Variants in GTPBP10 observed in about 807,000 individuals in gnomAD.
GTPBP10 encodes GTP-binding protein 10.
A neutral mutation model predicts 44.8 loss-of-function variants in GTPBP10; 38 were observed. The observed-to-expected ratio is 0.85, with a 90% CI of 0.65 to 1.11. GTPBP10 has a LOEUF of 1.11. GTPBP10 is among the 50% of genes most tolerant of loss of function. The probability of loss-of-function intolerance (pLI) is 0.00; values close to 1 mark genes in which losing one functional copy is unlikely to be tolerated. For synonymous variants in GTPBP10, 152 were observed against 150.6 expected, an observed-to-expected ratio of 1.01 and a Z score of -0.07; for missense variants, 462 against 453.7, an observed-to-expected ratio of 1.02 and a Z score of -0.17.
At chr7:90,353,758 C>T (rs1470994427) in intron 2 of GTPBP10, among the ~76,000 whole-genome samples, 1 of 151,582 alleles carries the variant, frequency 6.6e-6, no homozygotes, top group East Asian at 1.9e-4. Flanking sequence ...AATGTAAGTA[C>T]TCTCATTTGA....
At chr7:90,367,687 A>G (rs1796162535) in intron 4 of GTPBP10, among the ~76,000 whole-genome samples, 1 of 152,072 alleles carries the variant, frequency 6.6e-6, no homozygotes, top group Non-Finnish European at 1.5e-5. Flanking sequence ...TGCACATGAG[A>G]TGGGTCTCCT....
At chr7:90,359,241 A>G (rs1795966067) in intron 4 of GTPBP10, among the ~76,000 whole-genome samples, 1 of 151,980 alleles carries the variant, frequency 6.6e-6, no homozygotes, top group Non-Finnish European at 1.5e-5. Context: ...GGTTTGCTGC[A>G]CCCATCAACT....
At chr7:90,377,321 TAAC>T (rs1304799104) in intron 6 of GTPBP10, among the ~76,000 whole-genome samples, 183 bp from the exon 7 acceptor site, 5 of 152,254 alleles carry the variant, frequency 3.3e-5, no homozygotes, top group Admixed American at 6.5e-5. Context: ...TAATATCTGA[TAAC>T]AAAATTTTAA....
chr7:90,369,055 G>A (rs77130795), intron 4 of GTPBP10, among the ~76,000 whole-genome samples: 1,949 of 152,276 alleles, frequency 0.013, 50 homozygotes, highest in African/African-American at 0.043. Flanking sequence ...GGGCTTCTTC[G>A]CTGCAGGTCT....
intron 2 of GTPBP10, chr7:90,353,382 A>G (rs774920144): frequency 8.0e-5 from 13 of 163,160 alleles, no homozygotes; most frequent in Non-Finnish European, 1.6e-4. Flanking sequence ...GATAACCACT[A>G]TTAACCTTTT....
chr7:90,390,867 CATGATT>C lies in GTPBP10; in HGVS notation c.*5716_*5721del, dbSNP rs1184459862. On this transcript the variant is annotated 3_prime_UTR_variant, in exon 10 of 10. Transcript: ENST00000222511. ...AGTATAATTTTCTTAAGAAAAAAGA[CATGATT>C]ATAAGCTAAAATATGCCTTCGGTTT... The C allele has an allele frequency of 6.6e-6, 1 of 152,092 alleles. No individual in the cohort carries two copies. The highest frequency in any genetic ancestry group is 2.4e-5 in the African/African-American group (1 of 41,412). 9.4% of individuals were successfully genotyped at this position (152,092 alleles called of 1,614,324 possible). A position where few individuals can be genotyped will look rare whatever the true frequency, so the allele number is the denominator to read the frequency against.
chr7:90,370,608 G>A (rs950844607), intron 4 of GTPBP10, among the ~76,000 whole-genome samples: 1 of 152,144 alleles, frequency 6.6e-6, no homozygotes. Context: ...CTACTTGGGT[G>A]ATGGGTACAC....
At chr7:90,369,474 CTT>C (rs945603549) in intron 4 of GTPBP10, among the ~76,000 whole-genome samples, 1 of 152,210 alleles carries the variant, frequency 6.6e-6, no homozygotes, top group African/African-American at 2.4e-5. Context: ...TTCCAGGCCT[CTT>C]TGTTTACACT....
chr7:90,384,729 C>A (rs951677286), intron 9 of GTPBP10, among the ~76,000 whole-genome samples, 163 bp from the exon 10 acceptor site: 3 of 151,902 alleles, frequency 2.0e-5, no homozygotes, highest in African/African-American at 7.3e-5. Context: ...TTACCATAAT[C>A]AATGGTAAAA....
At chr7:90,370,335 AGTGT>A (rs33997739) in intron 4 of GTPBP10, among the ~76,000 whole-genome samples, 47 of 149,324 alleles carry the variant, frequency 3.1e-4, no homozygotes, top group South Asian at 6.4e-4. Context: ...AAGAAAATTG[AGTGT>A]GTGTGTGTGT....
At chr7:90,380,882 G>A (rs1430448235) in intron 8 of GTPBP10, among the ~76,000 whole-genome samples, 1 of 152,076 alleles carries the variant, frequency 6.6e-6, no homozygotes, top group Non-Finnish European at 1.5e-5. Flanking sequence ...GTGGGATTAT[G>A]CAGTATTTTT....
Position 90,353,055 on chromosome 7 carries a change from C to G in GTPBP10, c.227+46C>G, listed in dbSNP as rs139947039. ...TTAAATTTTAGAAAATCAAACCCTTCTGGAAATTTTTTTTTTAGTTACAAA... is the reference window on the plus strand; with the variant it reads ...TTAAATTTTAGAAAATCAAACCCTTGTGGAAATTTTTTTTTTAGTTACAAA... On this transcript the variant is annotated intron_variant, in intron 2 of 9. Transcript: ENST00000222511. 5.3e-6 allele frequency: 7 copies of G among 1,317,806 alleles called. No homozygotes were observed. The African/African-American group carries it at 9.0e-5, about 17-fold the overall frequency. 81.6% of individuals were successfully genotyped at this position (1,317,806 alleles called of 1,614,324 possible).
intron 1 of GTPBP10, 129 bp from the exon 2 acceptor site, chr7:90,352,687 A>G (rs953122145): frequency 1.7e-6 from 1 of 593,704 alleles, no homozygotes; most frequent in Non-Finnish European, 2.9e-6. Context: ...AGAAAATGTT[A>G]TAGAATTGGC....
chr7:90,360,272 C>T (rs184982089), intron 4 of GTPBP10, among the ~76,000 whole-genome samples: 12 of 152,160 alleles, frequency 7.9e-5, no homozygotes, highest in African/African-American at 2.2e-4. Flanking sequence ...TATGGTTTTA[C>T]GACTATCATT....
chr7:90,368,823 T>G (rs1212573097), intron 4 of GTPBP10, among the ~76,000 whole-genome samples: 3 of 152,360 alleles, frequency 2.0e-5, no homozygotes, highest in East Asian at 3.8e-4. Context: ...TCCATCCAGT[T>G]TTGTTCCATT....
In GTPBP10 at chr7:90,357,532, G is replaced by A. The variant is rs546709765; in HGVS notation, c.464+2302G>A. Among the ~76,000 whole-genome samples, 25 of 152,038 alleles carry A rather than the reference G, an allele frequency of 1.6e-4. No homozygotes were observed. In the South Asian group the frequency reaches 2.9e-3, roughly 18 times the overall value. On this transcript the variant is annotated intron_variant, in intron 4 of 9. Transcript: ENST00000222511. ...TTGTTGAAATACCTCCAGCTAATAC[G>A]CTTTTATAAAATTCCAAATTAATAT...
chr7:90,353,875 G>A (rs1445956794), intron 2 of GTPBP10, among the ~76,000 whole-genome samples: 1 of 145,686 alleles, frequency 6.9e-6, no homozygotes, highest in Non-Finnish European at 1.5e-5. Flanking sequence ...TGCCTAGGTT[G>A]AGTGTAGTGG....
intron 4 of GTPBP10, among the ~76,000 whole-genome samples, chr7:90,366,022 CAT>C (rs1267708893): frequency 2.0e-5 from 3 of 152,176 alleles, no homozygotes; most frequent in African/African-American, 7.2e-5. Context: ...TTGAGATAAT[CAT>C]GTGGTTTTTG....
chr7:90,360,572 A>G (rs1238245847), intron 4 of GTPBP10, among the ~76,000 whole-genome samples: 1 of 152,146 alleles, frequency 6.6e-6, no homozygotes, highest in Admixed American at 6.6e-5. Context: ...GTCAGGTAGC[A>G]TGATGTCTCC....
Sources: gnomAD v4.1 joint callset for allele counts (sites outside exome capture counted in the v4.1 genomes callset) on GRCh38, gnomAD v4.1.1 for gene constraint, MANE v1.5 for transcripts, NCBI Gene and HGNC (gene_info 2026-07-23, HGNC 2026-07-21) for gene names.